The following COG5 variants were observed in gnomAD, a reference collection of about 807,000 sequenced individuals.
COG5 encodes component of oligomeric golgi complex 5.
In COG5, 86 loss-of-function variants were observed where a neutral mutation model predicts 110.4. The ratio of observed to expected loss-of-function variants is 0.78; its 90% CI spans 0.65 to 0.93. The LOEUF (loss-of-function observed/expected upper bound fraction) is 0.93. COG5 is among the 40% of genes least tolerant of loss of function. The pLI is 0.00. For synonymous variants in COG5, 360 were observed against 334.6 expected (o/e 1.08, Z -0.83); for missense variants, 1,077 against 987.0 (o/e 1.09, Z -1.22).
intron 5 of COG5, among the ~76,000 whole-genome samples, chr7:107,547,792 CAA>C (rs71737445): frequency 1.4e-5 from 2 of 141,338 alleles, no homozygotes; most frequent in African/African-American, 2.5e-5. Flanking sequence ...ACAATAGCTA[CAA>C]AAAAAAAAAG....
intron 5 of COG5, among the ~76,000 whole-genome samples, chr7:107,546,220 G>T (rs1047336649): frequency 6.6e-6 from 1 of 152,234 alleles, no homozygotes; most frequent in East Asian, 1.9e-4. Context: ...AGCAAAAGCA[G>T]TTCTAAGACG....
chr7:107,427,503 A>C (rs755919771), intron 6 of COG5, among the ~76,000 whole-genome samples: 2 of 152,108 alleles, frequency 1.3e-5, no homozygotes, highest in Non-Finnish European at 2.9e-5. Flanking sequence ...GATGTACTGA[A>C]GTCTTAACCC....
chr7:107,233,625 T>C (rs1800936076), intron 18 of COG5, among the ~76,000 whole-genome samples: 1 of 152,184 alleles, frequency 6.6e-6, no homozygotes, highest in Non-Finnish European at 1.5e-5. Flanking sequence ...TTTTTGTTAT[T>C]TATGCTAGAA....
chr7:107,204,512 CAT>C (rs1312147616), intron 21 of COG5, among the ~76,000 whole-genome samples: 2 of 152,034 alleles, frequency 1.3e-5, no homozygotes, highest in Non-Finnish European at 2.9e-5. Context: ...ACATTTTTGT[CAT>C]ATTTTCTTCA....
At chr7:107,295,087 ATATATATATATATATTTTTT>A (rs1315369076) in intron 12 of COG5, among the ~76,000 whole-genome samples, 7 of 69,524 alleles carry the variant, frequency 1.0e-4, no homozygotes, top group South Asian at 5.7e-4. Context: ...ATATATATAT[ATATATATATATATATTTTTT>A]TTTTTTTTTT....
At chr7:107,388,182 G>A (rs998048713) in intron 7 of COG5, among the ~76,000 whole-genome samples, 2 of 152,128 alleles carry the variant, frequency 1.3e-5, no homozygotes, top group Non-Finnish European at 2.9e-5. Flanking sequence ...ATCTCCACAC[G>A]TGTTAACCCT....
At position 107,203,367 on chromosome 7, in the gene COG5, T is replaced by C; in HGVS notation, c.*149A>G. ...ATTTTTTATGCTAAAGTATAAGTGC[T>C]AAAGAGGTAAATAAACGTCGATAGG... On this transcript the variant is annotated 3_prime_UTR_variant, in exon 22 of 22. Transcript: ENST00000297135. The C allele has an allele frequency of 1.4e-6, 1 of 690,852 alleles. No homozygotes were observed. Among genetic ancestry groups the C allele is most frequent in the Non-Finnish European group, 2.6e-6 (1 of 379,338 alleles). 42.8% of individuals were successfully genotyped at this position (690,852 alleles called of 1,614,324 possible). A position where few individuals can be genotyped will look rare whatever the true frequency, so the allele number is the denominator to read the frequency against.
At chr7:107,361,353 T>C (rs1044486181) in intron 10 of COG5, among the ~76,000 whole-genome samples, 3 of 152,150 alleles carry the variant, frequency 2.0e-5, no homozygotes, top group Non-Finnish European at 2.9e-5. Flanking sequence ...TCAATGACCT[T>C]CAGTAAACAC....
intron 10 of COG5, among the ~76,000 whole-genome samples, chr7:107,331,519 T>C (rs185874571): frequency 7.1e-4 from 108 of 151,822 alleles, no homozygotes; most frequent in Admixed American, 2.6e-3. Flanking sequence ...AGATGAATAG[T>C]GTGCGGGGTG....
At position 107,485,721 on chromosome 7, in the gene COG5, C is replaced by A. The variant is rs1336850829; in HGVS notation, c.538+41516G>T. 3.3e-5 allele frequency among the ~76,000 whole-genome samples: 5 copies of A among 152,156 alleles called. No homozygotes were observed. The East Asian group carries it at 9.6e-4, about 29-fold the overall frequency. Reference sequence around the variant, plus strand: ...CCATTATGATAGCACTTAGCCCTCACTTAATGCCAAATTTGAACATTTCAT... The same window carrying A: ...CCATTATGATAGCACTTAGCCCTCAATTAATGCCAAATTTGAACATTTCAT... On this transcript the variant is annotated intron_variant, in intron 6 of 21. Transcript: ENST00000297135.
At chr7:107,370,139 T>C (rs2129049208) in intron 8 of COG5, among the ~76,000 whole-genome samples, 1 of 152,216 alleles carries the variant, frequency 6.6e-6, no homozygotes, top group African/African-American at 2.4e-5. Flanking sequence ...TCTTAGGAAG[T>C]CTCAGATTGA....
chr7:107,390,724 A>G (rs926781053), intron 7 of COG5, among the ~76,000 whole-genome samples: 16 of 149,292 alleles, frequency 1.1e-4, no homozygotes, highest in African/African-American at 4.0e-4. Flanking sequence ...GAATGTTACT[A>G]ATTATACTCA....
intron 14 of COG5, among the ~76,000 whole-genome samples, chr7:107,272,549 T>C (rs1355122857): frequency 6.6e-6 from 1 of 152,228 alleles, no homozygotes; most frequent in Non-Finnish European, 1.5e-5. Context: ...GTCTCAGATA[T>C]ACGGGGTTCA....
At chr7:107,216,502 C>T (rs1799543996) in intron 19 of COG5, among the ~76,000 whole-genome samples, 2 of 152,106 alleles carry the variant, frequency 1.3e-5, no homozygotes. Flanking sequence ...TGTTAGGTCG[C>T]AAACCAAGTT....
At chr7:107,229,838 GGTTTTT>G (rs1244666523) in intron 19 of COG5, among the ~76,000 whole-genome samples, 1 of 141,806 alleles carries the variant, frequency 7.1e-6, no homozygotes, top group African/African-American at 2.6e-5. Flanking sequence ...TTTTTTTTTT[GGTTTTT>G]GTTTTTTTTT....
intron 6 of COG5, among the ~76,000 whole-genome samples, chr7:107,515,078 T>C (rs1799819545): frequency 6.6e-6 from 1 of 152,186 alleles, no homozygotes; most frequent in African/African-American, 2.4e-5. Flanking sequence ...ACCTAATTGT[T>C]TGATAAATAA....
chr7:107,380,352 TAAAAA>T (rs920675083), intron 7 of COG5, among the ~76,000 whole-genome samples: 1 of 150,454 alleles, frequency 6.6e-6, no homozygotes, highest in East Asian at 1.9e-4. Context: ...GAAAAACCCT[TAAAAA>T]AAAATCAATG....
At chr7:107,288,406 T>G (rs1242399977) in intron 12 of COG5, among the ~76,000 whole-genome samples, 1 of 152,156 alleles carries the variant, frequency 6.6e-6, no homozygotes, top group Non-Finnish European at 1.5e-5. Context: ...TCCAAGGCCC[T>G]GTACCAGTTT....
chr7:107,311,435 A>G (rs372274994), intron 11 of COG5, among the ~76,000 whole-genome samples: 21,104 of 120,518 alleles, frequency 0.18, 1,981 homozygotes, highest in Middle Eastern at 0.26. Flanking sequence ...CGCCCAGGCC[A>G]GACTGCGGAC....
Sources: gnomAD v4.1 joint callset for allele counts (sites outside exome capture counted in the v4.1 genomes callset) on GRCh38, gnomAD v4.1.1 for gene constraint, MANE v1.5 for transcripts, NCBI Gene and HGNC (gene_info 2026-07-23, HGNC 2026-07-21) for gene names.